BAHCC1: variants seen among roughly 807,000 people sequenced by gnomAD.
The protein encoded by BAHCC1 is BAH and coiled-coil domain-containing protein 1.
BAHCC1 carries 43 observed loss-of-function variants against 88.2 expected under a neutral mutation model. That is an observed-to-expected ratio of 0.49 (90% confidence interval 0.38 to 0.63). BAHCC1 has a LOEUF of 0.63. Ranked by LOEUF, BAHCC1 falls within the 20% of genes least tolerant of loss-of-function variation. The pLI is 0.00. For synonymous variants in BAHCC1, 1,510 were observed against 745.5 expected (o/e 2.03, Z -16.71); for missense variants, 3,023 against 1,654.8 (o/e 1.83, Z -14.34).
At chr17:81,409,710 A>C (rs2063925047) in intron 2 of BAHCC1, among the ~76,000 whole-genome samples, 1 of 152,154 alleles carries the variant, frequency 6.6e-6, no homozygotes, top group Non-Finnish European at 1.5e-5. Flanking sequence ...AATCGGGCCC[A>C]GGGAGAAGGC....
In BAHCC1 at chr17:81,445,811, G is replaced by A. The variant is rs957653715; in HGVS notation, c.3163+130G>A. ...CACCTGCCCAGACCCAGGGCAGCAT[G>A]GCTGTTCCCTTCCTCTCTCTTCCCT... On this transcript the variant is annotated intron_variant, in intron 10 of 27. Coordinates refer to ENST00000675386, the MANE Select transcript of BAHCC1 (RefSeq NM_001377448.1). 40 of 612,184 alleles carry A rather than the reference G, an allele frequency of 6.5e-5. No individual in the cohort carries two copies. The South Asian group carries it at 7.6e-4, about 12-fold the overall frequency. 37.9% of individuals were successfully genotyped at this position (612,184 alleles called of 1,614,324 possible).
At chr17:81,402,434 G>GACT (rs2063829294) in intron 2 of BAHCC1, 1 of 152,206 alleles carries the variant, frequency 6.6e-6, no homozygotes. Context: ...ATCTAGTTTA[G>GACT]AGAGAAAAAA....
At chr17:81,417,519 G>A (rs988464386) in intron 2 of BAHCC1, among the ~76,000 whole-genome samples, 1 of 151,462 alleles carries the variant, frequency 6.6e-6, no homozygotes, top group African/African-American at 2.4e-5. Context: ...CTCAGGGGAG[G>A]GAGACCGAGG....
At chr17:81,412,208 G>A (rs1262717154) in intron 2 of BAHCC1, among the ~76,000 whole-genome samples, 1 of 152,254 alleles carries the variant, frequency 6.6e-6, no homozygotes, top group African/African-American at 2.4e-5. Context: ...GTCACTCCAG[G>A]CCAGCAGGTC....
intron 2 of BAHCC1, chr17:81,406,919 G>T (rs1016646903): frequency 4.4e-5 from 20 of 456,218 alleles, no homozygotes; most frequent in Non-Finnish European, 8.4e-5. Flanking sequence ...TTAGGTTCCC[G>T]ATCGGATCAG....
rs782426238 is a variant in BAHCC1 at position 81,458,883 on chromosome 17, A to G, written c.5519A>G (p.Asn1840Ser). 2.8e-5 allele frequency: 22 copies of G among 774,754 alleles called. No homozygotes were observed. Among genetic ancestry groups the G allele is most frequent in the South Asian group, 2.8e-4 (21 of 74,330 alleles). 48.0% of individuals were successfully genotyped at this position (774,754 alleles called of 1,614,324 possible). A position where few individuals can be genotyped will look rare whatever the true frequency, so the allele number is the denominator to read the frequency against. Residue 1840 changes from asparagine (N) to serine (S), a missense_variant, in exon 20 of 28, where the codon AAC (asparagine) becomes AGC (serine). Asn to Ser is a conservative substitution (Grantham distance 46). Coordinates refer to ENST00000675386, the MANE Select transcript of BAHCC1 (RefSeq NM_001377448.1). ...AVEEDFEFDD[N>S]SSFSEEEEDE... ...GAGGAAGACTTTGAGTTCGACGACAACAGCAGCTTCTCGGAAGAGGAGGAG... is the reference window on the plus strand; with the variant it reads ...GAGGAAGACTTTGAGTTCGACGACAGCAGCAGCTTCTCGGAAGAGGAGGAG...
chr17:81,405,667 T>C (rs532727269), intron 2 of BAHCC1, among the ~76,000 whole-genome samples: 17 of 152,322 alleles, frequency 1.1e-4, no homozygotes, highest in Middle Eastern at 3.4e-3. Context: ...AATAAATACT[T>C]TCCTGGTGGA....
chr17:81,450,718 G>T (rs2064617393), intron 11 of BAHCC1, among the ~76,000 whole-genome samples: 1 of 152,186 alleles, frequency 6.6e-6, no homozygotes, highest in African/African-American at 2.4e-5. Flanking sequence ...TCTGAGAAGG[G>T]TCACAGCAGA....
rs1312353117 is a variant in BAHCC1, at chr17:81,435,928, T to G, written c.359-2442T>G. Among the ~76,000 whole-genome samples, 23 of 152,212 alleles carry G rather than the reference T, an allele frequency of 1.5e-4. No individual in the cohort carries two copies. Among genetic ancestry groups the G allele is most frequent in the African/African-American group, 5.5e-4 (23 of 41,450 alleles). ...CTGCTCTGATTCATAAAAATCATTT[T>G]TAAATTTTCTTTCTCAGTTTTGAGA... On this transcript the variant is annotated intron_variant, in intron 3 of 27. Coordinates refer to ENST00000675386, the MANE Select transcript of BAHCC1 (RefSeq NM_001377448.1). The surrounding 1 kb of genome is among the most constrained non-coding windows in gnomAD (Gnocchi z 4.4).
At chr17:81,429,215 G>A (rs1055773084) in intron 3 of BAHCC1, among the ~76,000 whole-genome samples, 7 of 152,218 alleles carry the variant, frequency 4.6e-5, no homozygotes, top group South Asian at 2.1e-4. Context: ...CCTCTGAGCC[G>A]CCCGCCTGGG....
Position 81,458,828 on chromosome 17 carries a change from G to A in BAHCC1, c.5464G>A (p.Val1822Met), listed in dbSNP as rs538962140. The part of the protein sequence containing the change: ...KAGKQGKGRA[V>M]SRLLESFAVE... ...TGGCCCCCAGGGCAAGGGCCGGGCC[G>A]TGAGCCGCCTGCTGGAAAGCTTCGC... is the stretch of plus-strand genomic sequence containing the variant. The change falls in exon 20 of 28, where the codon GTG becomes ATG. Residue 1822 changes from valine to methionine, a missense_variant. By Grantham distance (21) the Val-to-Met change is conservative (BLOSUM62 1). Transcript: ENST00000675386. 1.3e-4 allele frequency: 96 copies of A among 765,336 alleles called. 1 individual carries two copies. The highest frequency in any genetic ancestry group is 1.1e-3 in the South Asian group (78 of 73,522). The allele number at this position is 765,336 out of a possible 1,614,324, so 47.4% of individuals were successfully genotyped here.
chr17:81,423,519 C>A (rs1464427760), intron 2 of BAHCC1, among the ~76,000 whole-genome samples: 1 of 152,194 alleles, frequency 6.6e-6, no homozygotes, highest in Non-Finnish European at 1.5e-5. Flanking sequence ...ACCCCACTAT[C>A]CCCACGCTCA....
intron 4 of BAHCC1, among the ~76,000 whole-genome samples, chr17:81,439,544 G>A (rs1486676974): frequency 1.3e-5 from 2 of 152,068 alleles, no homozygotes; most frequent in Non-Finnish European, 1.5e-5. Context: ...CTGGACACAC[G>A]GGGTGGGGTC....
intron 14 of BAHCC1, among the ~76,000 whole-genome samples, chr17:81,454,007 G>C (rs999760950): frequency 5.3e-5 from 8 of 152,258 alleles, no homozygotes; most frequent in Non-Finnish European, 1.0e-4. Context: ...GCCACGCCAG[G>C]CCAGGGCCAG....
chr17:81,406,716 G>T (rs1284602050), intron 2 of BAHCC1, among the ~76,000 whole-genome samples: 10 of 152,236 alleles, frequency 6.6e-5, no homozygotes, highest in African/African-American at 2.4e-4. Context: ...CAGCTGCCGC[G>T]GGAGAATCCA....
At chr17:81,443,720 C>A (rs1278025384) in intron 5 of BAHCC1, 89 bp from the exon 6 acceptor site, 8 of 675,696 alleles carry the variant, frequency 1.2e-5, no homozygotes, top group Non-Finnish European at 2.2e-5. Context: ...ATCAGGCCCC[C>A]CAGCTCGAAG....
Position 81,447,816 on chromosome 17 carries a change from T to C in BAHCC1, c.3944T>C (p.Ile1315Thr), listed in dbSNP as rs1424273454. Residue 1315 changes from isoleucine to threonine, a missense_variant, in exon 11 of 28, where the codon ATC (isoleucine) becomes ACC (threonine). Transcript: ENST00000675386. ...CTCAGCGAGCTGGCTGACCTGGCAA[T>C]CCAGCGGCAGAGGAGTGAGAGGACT... ...ALLSELADLA[I>T]QRQRSERTVP... is the part of the protein sequence containing the mutation. 4.0e-6 allele frequency: 3 copies of C among 749,186 alleles called. No homozygotes were observed. Among genetic ancestry groups the C allele is most frequent in the African/African-American group, 3.4e-5 (2 of 58,416 alleles). 46.4% of individuals were successfully genotyped at this position (749,186 alleles called of 1,614,324 possible).
intron 3 of BAHCC1, among the ~76,000 whole-genome samples, chr17:81,430,560 C>T (rs1381821267): frequency 6.6e-6 from 1 of 152,212 alleles, no homozygotes; most frequent in Non-Finnish European, 1.5e-5. Flanking sequence ...CTCCTCTGTC[C>T]CCTTCGTCCC....
chr17:81,404,906 C>G (rs1253385559), intron 2 of BAHCC1, among the ~76,000 whole-genome samples: 1 of 152,146 alleles, frequency 6.6e-6, no homozygotes, highest in African/African-American at 2.4e-5. Context: ...CTGCTTTCAT[C>G]CTGGGTGGTT....
Sources: gnomAD v4.1 joint callset for allele counts (sites outside exome capture counted in the v4.1 genomes callset) on GRCh38, gnomAD v4.1.1 for gene constraint, Gnocchi (gnomAD v3.1) non-coding constraint, MANE v1.5 for transcripts, NCBI Gene and HGNC (gene_info 2026-07-23, HGNC 2026-07-21) for gene names.